Variants in DOK6 observed in about 807,000 individuals in gnomAD.
DOK6 encodes the protein downstream of tyrosine kinase 6.
A neutral mutation model predicts 44.0 loss-of-function variants in DOK6; 22 were observed. That is an observed-to-expected ratio of 0.50 (90% confidence interval 0.36 to 0.71). The LOEUF (loss-of-function observed/expected upper bound fraction) is 0.71. Ranked by LOEUF, DOK6 falls within the 30% of genes least tolerant of loss-of-function variation. The pLI is 0.00. For missense variants in DOK6, 340 were observed against 416.4 expected, an observed-to-expected ratio of 0.82 and a Z score of 1.60; for synonymous variants, 166 against 145.5, an observed-to-expected ratio of 1.14 and a Z score of -1.01.
intron 4 of DOK6, among the ~76,000 whole-genome samples, chr18:69,687,821 T>C (rs1986185718): frequency 6.6e-6 from 1 of 152,186 alleles, no homozygotes; most frequent in Non-Finnish European, 1.5e-5. Flanking sequence ...GGCAAAGATA[T>C]CTTTCTCATT....
intron 7 of DOK6, among the ~76,000 whole-genome samples, chr18:69,808,693 A>G (rs1981127402): frequency 6.6e-6 from 1 of 151,882 alleles, no homozygotes; most frequent in South Asian, 2.1e-4. Flanking sequence ...ACCTAGAAGA[A>G]ATGGAAAAAT....
chr18:69,552,157 G>C (rs1487980834), intron 1 of DOK6, among the ~76,000 whole-genome samples: 1 of 152,158 alleles, frequency 6.6e-6, no homozygotes, highest in Non-Finnish European at 1.5e-5. Flanking sequence ...CACTTTAGAA[G>C]CTCATTGTCT....
chr18:69,403,307 T>G (rs985225594), intron 1 of DOK6, among the ~76,000 whole-genome samples: 2 of 152,168 alleles, frequency 1.3e-5, no homozygotes, highest in South Asian at 4.1e-4. Context: ...ACTGAGTATG[T>G]AACCCAATTA....
At chr18:69,744,065 C>G (rs971659252) in intron 6 of DOK6, among the ~76,000 whole-genome samples, 1 of 152,274 alleles carries the variant, frequency 6.6e-6, no homozygotes, top group South Asian at 2.1e-4. Flanking sequence ...AAAGAAAGAA[C>G]ATTGGGAGGC....
intron 1 of DOK6, among the ~76,000 whole-genome samples, chr18:69,437,741 G>A (rs188586242): frequency 5.3e-4 from 80 of 152,194 alleles, no homozygotes; most frequent in African/African-American, 1.9e-3. Flanking sequence ...ATAATCCAAA[G>A]GAATTATCTG....
intron 1 of DOK6, among the ~76,000 whole-genome samples, chr18:69,436,662 C>T (rs1261081485): frequency 3.9e-5 from 6 of 152,088 alleles, no homozygotes; most frequent in Non-Finnish European, 7.4e-5. Context: ...TATAATCCCT[C>T]GGGTATATAC....
rs1171981924 is a variant in DOK6 at position 69,637,606 on chromosome 18, CT to C, written c.289+38110del. On this transcript the variant is annotated intron_variant, in intron 3 of 7. Coordinates refer to ENST00000382713, the MANE Select transcript of DOK6 (RefSeq NM_152721.6). Reference sequence around the variant, plus strand: ...AAAGAATTTTGGAGTTGAAAAGGACCTTAGAGAATATCTAATCTATTGGGTC... The same window carrying C: ...AAAGAATTTTGGAGTTGAAAAGGACCTAGAGAATATCTAATCTATTGGGTC... Among the ~76,000 whole-genome samples, 85 of 152,204 alleles carry C rather than the reference CT, an allele frequency of 5.6e-4. 1 individual carries two copies. The highest frequency in any genetic ancestry group is 3.4e-3 in the Middle Eastern group (1 of 294).
At chr18:69,777,544 T>C (rs1980112112) in intron 7 of DOK6, among the ~76,000 whole-genome samples, 1 of 152,040 alleles carries the variant, frequency 6.6e-6, no homozygotes, top group Non-Finnish European at 1.5e-5. Context: ...CATCCTTAGT[T>C]TTTTTCTTAC....
chr18:69,425,462 A>C (rs1190791806), intron 1 of DOK6, among the ~76,000 whole-genome samples: 1 of 151,622 alleles, frequency 6.6e-6, no homozygotes, highest in South Asian at 2.1e-4. Flanking sequence ...CCTGTTTTTC[A>C]TTATATTTAC....
chr18:69,492,700 C>A (rs1980768582), intron 1 of DOK6, among the ~76,000 whole-genome samples: 1 of 151,706 alleles, frequency 6.6e-6, no homozygotes, highest in Non-Finnish European at 1.5e-5. Flanking sequence ...TTCACTTAGA[C>A]TAATGACCTC....
At chr18:69,593,832 T>G (rs4891757) in intron 2 of DOK6, among the ~76,000 whole-genome samples, 145,575 of 152,256 alleles carry the variant, frequency 0.96, 69,938 homozygotes, top group East Asian at 1. Flanking sequence ...ATATGGTACA[T>G]CTAGCTATTA....
chr18:69,753,771 T>TAAC (rs1161555016), intron 6 of DOK6, among the ~76,000 whole-genome samples: 4 of 151,718 alleles, frequency 2.6e-5, no homozygotes, highest in Non-Finnish European at 5.9e-5. Context: ...GTCTTATAAA[T>TAAC]AACAAGGGAA....
At chr18:69,648,372 CCT>C (rs1985138230) in intron 3 of DOK6, among the ~76,000 whole-genome samples, 1 of 152,042 alleles carries the variant, frequency 6.6e-6, no homozygotes, top group South Asian at 2.1e-4. Context: ...ACACCAAACC[CCT>C]GAGTCACGAA....
intron 4 of DOK6, among the ~76,000 whole-genome samples, chr18:69,697,625 C>A (rs553093679): frequency 8.4e-4 from 122 of 145,672 alleles, no homozygotes; most frequent in Non-Finnish European, 1.6e-3. Flanking sequence ...TCTTATTTTT[C>A]AAAAAAAAAA....
At chr18:69,763,745 C>G (rs995906136) in intron 7 of DOK6, among the ~76,000 whole-genome samples, 1 of 152,146 alleles carries the variant, frequency 6.6e-6, no homozygotes, top group African/African-American at 2.4e-5. Flanking sequence ...AGATGACAGG[C>G]TATACAGCAG....
At chr18:69,438,282 CAA>C (rs1979039813) in intron 1 of DOK6, among the ~76,000 whole-genome samples, 2 of 152,148 alleles carry the variant, frequency 1.3e-5, no homozygotes, top group Non-Finnish European at 2.9e-5. Context: ...GTTGTCATGC[CAA>C]CCATGTTCAC....
At chr18:69,448,425 C>A (rs935070255) in intron 1 of DOK6, among the ~76,000 whole-genome samples, 3 of 151,950 alleles carry the variant, frequency 2.0e-5, no homozygotes, top group African/African-American at 7.3e-5. Flanking sequence ...AGGCTGGAGT[C>A]CAATGGCGCG....
intron 1 of DOK6, among the ~76,000 whole-genome samples, chr18:69,435,037 A>AC (rs1978930202): frequency 6.4e-5 from 5 of 78,314 alleles, no homozygotes; most frequent in African/African-American, 2.5e-4. Flanking sequence ...GAAGGAAGGA[A>AC]GGAAGGAAGG....
chr18:69,634,030 A>G (rs1457579251), intron 3 of DOK6, among the ~76,000 whole-genome samples: 1 of 152,112 alleles, frequency 6.6e-6, no homozygotes, highest in African/African-American at 2.4e-5. Flanking sequence ...TGATCTAATC[A>G]TAACTAGAGG....
Sources: allele counts gnomAD v4.1 joint callset (sites outside exome capture counted in the v4.1 genomes callset), GRCh38; gene constraint gnomAD v4.1.1; transcripts MANE v1.5; gene names NCBI Gene and HGNC (gene_info 2026-07-23, HGNC 2026-07-21).